The following PPIP5K2 variants were observed in gnomAD, a reference collection of about 807,000 sequenced individuals.
The protein encoded by PPIP5K2 is inositol hexakisphosphate and diphosphoinositol-pentakisphosphate kinase 2.
Under a neutral mutation model 154.6 loss-of-function variants are expected in PPIP5K2, and 105 were observed. That is an observed-to-expected ratio of 0.68 (90% CI 0.58 to 0.80). The LOEUF (loss-of-function observed/expected upper bound fraction) is 0.80, where lower values mean the gene tolerates loss of function less well. Ranked by LOEUF, PPIP5K2 falls within the 30% of genes least tolerant of loss-of-function variation. The probability of loss-of-function intolerance (pLI) is 0.00; values close to 1 mark genes in which losing one functional copy is unlikely to be tolerated. For synonymous variants in PPIP5K2, 480 were observed against 490.3 expected (o/e 0.98, Z 0.28); for missense variants, 992 against 1,504.6 (o/e 0.66, Z 5.64).
In PPIP5K2 at chr5:103,136,712, T is replaced by C. The variant is rs1562379766; in HGVS notation, c.311-20T>C. 1 of 1,575,242 alleles carries C rather than the reference T, an allele frequency of 6.3e-7. No individual in the cohort carries two copies. The highest frequency in any genetic ancestry group is 8.7e-7 in the Non-Finnish European group (1 of 1,145,044). On this transcript the variant is annotated intron_variant, in intron 3 of 30. Transcript: ENST00000358359. ...TTATCTTGAGATAATACAGAATATG[T>C]TAATAATATGTGTTCTTAGGATTTC...
chr5:103,160,144 T>C (rs181170866), intron 17 of PPIP5K2, among the ~76,000 whole-genome samples: 183 of 152,346 alleles, frequency 1.2e-3, no homozygotes, highest in African/African-American at 4.3e-3. Context: ...CTTGTATATA[T>C]ACTACACTTT....
chr5:103,149,334 A>G (rs782125362), intron 8 of PPIP5K2, 21 bp downstream of exon 8: 74 of 1,577,188 alleles, frequency 4.7e-5, no homozygotes, highest in South Asian at 1.1e-4. Context: ...ATACAGGCCT[A>G]TAGATCCTTA....
At chr5:103,170,882 C>T (rs573646701) in intron 19 of PPIP5K2, among the ~76,000 whole-genome samples, 1 of 151,390 alleles carries the variant, frequency 6.6e-6, no homozygotes, top group African/African-American at 2.4e-5. Flanking sequence ...ATAATATTTC[C>T]AGCTTCAAGA....
rs1795737620 is a variant in PPIP5K2 at position 103,158,398 on chromosome 5, A to G, written c.1616-54A>G. 1.9e-6 allele frequency: 3 copies of G among 1,590,114 alleles called. No homozygotes were observed. The African/African-American group carries it at 4.1e-5, about 22-fold the overall frequency. On this transcript the variant is annotated intron_variant, in intron 15 of 30. Coordinates refer to ENST00000358359, the MANE Select transcript of PPIP5K2 (RefSeq NM_001276277.3). ...ATTTGTGATGTTATTAAACATTTAT[A>G]GAAATACAATGAAATGAAAATATAG...
intron 10 of PPIP5K2, 69 bp from the exon 11 acceptor site, chr5:103,153,779 T>C: frequency 1.9e-6 from 2 of 1,079,100 alleles, no homozygotes; most frequent in South Asian, 1.5e-5. Flanking sequence ...TAAATGTTCA[T>C]ATTAATCTGA....
intron 17 of PPIP5K2, among the ~76,000 whole-genome samples, chr5:103,162,189 T>G (rs1209853033): frequency 6.6e-6 from 1 of 152,118 alleles, no homozygotes; most frequent in East Asian, 1.9e-4. Context: ...TCCTCTTGAA[T>G]GAGGACAAGT....
chr5:103,140,026 C>T (rs540742158), intron 5 of PPIP5K2, among the ~76,000 whole-genome samples: 2 of 152,022 alleles, frequency 1.3e-5, no homozygotes, highest in East Asian at 3.9e-4. Context: ...ACTAAAGAGA[C>T]CTGAGAGAGG....
chr5:103,186,474 A>C (rs373379750), intron 27 of PPIP5K2, 35 bp downstream of exon 27: 1 of 1,612,348 alleles, frequency 6.2e-7, no homozygotes, highest in Non-Finnish European at 8.5e-7. Context: ...ATTCATACCT[A>C]CACCCATGCA....
intron 17 of PPIP5K2, among the ~76,000 whole-genome samples, chr5:103,162,350 C>CTT (rs200973581): frequency 1.4e-3 from 192 of 138,540 alleles, no homozygotes; most frequent in East Asian, 0.012. Context: ...GATGTGTTTT[C>CTT]TTTTTTTTTT....
intron 5 of PPIP5K2, among the ~76,000 whole-genome samples, chr5:103,146,046 A>G (rs1048401645): frequency 1.3e-5 from 2 of 152,092 alleles, no homozygotes; most frequent in African/African-American, 4.8e-5. Flanking sequence ...CATTTAAAAA[A>G]GATATAAAGT....
intron 19 of PPIP5K2, among the ~76,000 whole-genome samples, chr5:103,168,747 T>C (rs1797514070): frequency 6.6e-6 from 1 of 151,856 alleles, no homozygotes; most frequent in South Asian, 2.1e-4. Flanking sequence ...TGGGCAAATT[T>C]ATAATGACAT....
rs558784765 is a variant in PPIP5K2, at chr5:103,211,414, A to G, written c.*9780A>G. The stretch of plus-strand genomic sequence containing the variant: ...GAAGCCAGGAAGCTACCATATACAT[A>G]GAAAAGTTAGTTGCCAAATATGGTG... On this transcript the variant is annotated 3_prime_UTR_variant, in exon 31 of 31. Coordinates refer to ENST00000358359, the MANE Select transcript of PPIP5K2 (RefSeq NM_001276277.3). 6.6e-6 allele frequency: 1 copy of G among 152,214 alleles called. No individual in the cohort carries two copies. The highest frequency in any genetic ancestry group is 2.1e-4 in the South Asian group (1 of 4,828). The allele number at this position is 152,214 out of a possible 1,614,324, so 9.4% of individuals were successfully genotyped here.
chr5:103,188,449 T>G (rs1800732858), intron 28 of PPIP5K2: 1 of 152,146 alleles, frequency 6.6e-6, no homozygotes, highest in Non-Finnish European at 1.5e-5. Flanking sequence ...TAAATAACAG[T>G]GCACTAATAA....
At chr5:103,127,763 T>C (rs550816729) in intron 1 of PPIP5K2, among the ~76,000 whole-genome samples, 92 of 148,602 alleles carry the variant, frequency 6.2e-4, no homozygotes, top group Non-Finnish European at 1.0e-3. Context: ...TTAAAACAGA[T>C]GTACCTGACT....
chr5:103,204,602 AC>A lies in PPIP5K2; in HGVS notation c.*2971del, dbSNP rs1554231692. The A allele has an allele frequency of 6.6e-6, 1 of 152,152 alleles. No individual in the cohort carries two copies. The highest frequency in any genetic ancestry group is 1.5e-5 in the Non-Finnish European group (1 of 68,034). The allele number at this position is 152,152 out of a possible 1,614,324, so 9.4% of individuals were successfully genotyped here. On this transcript the variant is annotated 3_prime_UTR_variant, in exon 31 of 31. Coordinates refer to ENST00000358359, the MANE Select transcript of PPIP5K2 (RefSeq NM_001276277.3). Reference sequence around the variant, plus strand: ...TGGTACTATAGGTGCGTGCCACCACACCCAGCTCATGGGAATAATTTTTACA... The same window carrying A: ...TGGTACTATAGGTGCGTGCCACCACACCAGCTCATGGGAATAATTTTTACA...
chr5:103,133,676 C>A (rs782567797), intron 3 of PPIP5K2, 28 bp downstream of exon 3: 2 of 1,499,610 alleles, frequency 1.3e-6, no homozygotes, highest in African/African-American at 2.8e-5. Flanking sequence ...GGAGAAACTC[C>A]TTTATCCTCT....
chr5:103,185,123 T>C (rs1800164394), intron 26 of PPIP5K2, among the ~76,000 whole-genome samples: 1 of 152,128 alleles, frequency 6.6e-6, no homozygotes, highest in African/African-American at 2.4e-5. Context: ...AAAAATATTT[T>C]TAAAGTACAG....
chr5:103,201,035 A>G (rs558042231), intron 30 of PPIP5K2, among the ~76,000 whole-genome samples: 30 of 152,322 alleles, frequency 2.0e-4, no homozygotes, highest in African/African-American at 7.2e-4. Context: ...CTTACCTTCT[A>G]GCTTTTTAGA....
intron 16 of PPIP5K2, 42 bp from the exon 17 acceptor site, chr5:103,159,104 T>A (rs782523066): frequency 7.5e-7 from 1 of 1,338,102 alleles, no homozygotes; most frequent in South Asian, 1.6e-5. Context: ...ATTTTACGTA[T>A]TAATTTTTTA....
Sources: gnomAD v4.1 joint callset for allele counts (sites outside exome capture counted in the v4.1 genomes callset) on GRCh38, gnomAD v4.1.1 for gene constraint, MANE v1.5 for transcripts, NCBI Gene and HGNC (gene_info 2026-07-23, HGNC 2026-07-21) for gene names.